The following MCU variants were observed in gnomAD, a reference collection of about 807,000 sequenced individuals.
MCU encodes the protein calcium uniporter protein, mitochondrial.
A neutral mutation model predicts 45.2 loss-of-function variants in MCU; 12 were observed. The observed-to-expected ratio is 0.27, with a 90% confidence interval of 0.17 to 0.43. The LOEUF (loss-of-function observed/expected upper bound fraction) is 0.43. MCU is among the 20% of genes least tolerant of loss of function. The probability of loss-of-function intolerance (pLI) is 1.00; values close to 1 mark genes in which losing one functional copy is unlikely to be tolerated. For synonymous variants in MCU, 160 were observed against 165.1 expected (o/e 0.97, Z 0.24); for missense variants, 324 against 436.7 (o/e 0.74, Z 2.30).
chr10:72,879,615 A>G (rs1450861271), intron 6 of MCU, among the ~76,000 whole-genome samples: 1 of 152,254 alleles, frequency 6.6e-6, no homozygotes, highest in African/African-American at 2.4e-5. Context: ...AAAGATTATC[A>G]CACGTGAAAA....
At chr10:72,820,931 A>C (rs1176364375) in intron 1 of MCU, among the ~76,000 whole-genome samples, 2 of 151,598 alleles carry the variant, frequency 1.3e-5, no homozygotes, top group Non-Finnish European at 2.9e-5. Context: ...TTTTTCCCCA[A>C]GTGGTGACAT....
At chr10:72,718,460 C>G (rs527511288) in intron 1 of MCU, among the ~76,000 whole-genome samples, 3 of 152,106 alleles carry the variant, frequency 2.0e-5, no homozygotes, top group Non-Finnish European at 4.4e-5. Flanking sequence ...AACTATCCTA[C>G]GTCAATAAGT....
At chr10:72,722,587 A>G (rs542323510) in intron 1 of MCU, among the ~76,000 whole-genome samples, 2 of 151,550 alleles carry the variant, frequency 1.3e-5, no homozygotes, top group Non-Finnish European at 2.9e-5. Flanking sequence ...AGTTGAAAAC[A>G]TGATAGCTAT....
At chr10:72,823,725 T>C (rs902832990) in intron 1 of MCU, among the ~76,000 whole-genome samples, 3 of 152,092 alleles carry the variant, frequency 2.0e-5, no homozygotes, top group Non-Finnish European at 2.9e-5. Context: ...ATAGAGGCTA[T>C]CAAAATTGGT....
intron 2 of MCU, among the ~76,000 whole-genome samples, chr10:72,853,630 A>G (rs142015911): frequency 1.0e-3 from 155 of 152,330 alleles, no homozygotes; most frequent in Middle Eastern, 6.8e-3. Context: ...AGCCAGATCT[A>G]AAAAATCTAA....
intron 1 of MCU, among the ~76,000 whole-genome samples, chr10:72,790,324 A>G (rs1411379798): frequency 6.6e-6 from 1 of 152,160 alleles, no homozygotes; most frequent in Non-Finnish European, 1.5e-5. Context: ...AAGAGAAATA[A>G]TTCTCAGGTA....
intron 1 of MCU, among the ~76,000 whole-genome samples, chr10:72,754,123 A>C (rs554888467): frequency 4.6e-5 from 7 of 152,154 alleles, no homozygotes; most frequent in Non-Finnish European, 8.8e-5. Context: ...CCAATGAGGA[A>C]GCCAAACTTC....
chr10:72,819,496 A>G (rs1844677648), intron 1 of MCU, among the ~76,000 whole-genome samples: 1 of 152,240 alleles, frequency 6.6e-6, no homozygotes, highest in Admixed American at 6.5e-5. Context: ...TATTAAATAT[A>G]AAGCAAGGGG....
chr10:72,772,232 T>C (rs1041462414), intron 1 of MCU, among the ~76,000 whole-genome samples: 6 of 152,214 alleles, frequency 3.9e-5, no homozygotes, highest in Non-Finnish European at 5.9e-5. Flanking sequence ...GTAGGAGGTA[T>C]GTTCCATAAG....
chr10:72,708,779 G>A (rs58674529), intron 1 of MCU, among the ~76,000 whole-genome samples: 8,044 of 152,128 alleles, frequency 0.053, 718 homozygotes, highest in African/African-American at 0.18. Context: ...AAACAGTTTC[G>A]ATTGTGCTGA....
Position 72,854,676 on chromosome 10 carries a change from G to C in MCU, c.221-4501G>C, listed in dbSNP as rs750058277. Among the ~76,000 whole-genome samples, 3 of 152,210 alleles carry C rather than the reference G, an allele frequency of 2.0e-5. No individual in the cohort carries two copies. In the South Asian group the frequency reaches 6.2e-4, roughly 32 times the overall value. The stretch of plus-strand genomic sequence containing the variant: ...GGCACCAGGGACCAGTTTTGTGTAA[G>C]ACACTTTTTCGATGGTACCAGTCTG... On this transcript the variant is annotated intron_variant, in intron 2 of 7. Coordinates refer to ENST00000373053, the MANE Select transcript of MCU (RefSeq NM_138357.3).
At chr10:72,730,632 T>C (rs1394691971) in intron 1 of MCU, 1 of 152,140 alleles carries the variant, frequency 6.6e-6, no homozygotes, top group Non-Finnish European at 1.5e-5. Context: ...ACCCTGTAGA[T>C]GTTTTGCTAA....
intron 1 of MCU, among the ~76,000 whole-genome samples, chr10:72,794,298 TC>T (rs772983751): frequency 2.8e-4 from 42 of 152,174 alleles, no homozygotes; most frequent in Admixed American, 5.2e-4. Flanking sequence ...CTACAGACCC[TC>T]CCATTCAAAT....
intron 1 of MCU, among the ~76,000 whole-genome samples, chr10:72,832,616 A>G (rs1377806065): frequency 6.6e-6 from 1 of 152,242 alleles, no homozygotes; most frequent in South Asian, 2.1e-4. Context: ...GGAAAAAATC[A>G]AAATCCTTTT....
Position 72,859,268 on chromosome 10 carries a change from C to T in MCU, c.312C>T (p.Ile104=). 6.2e-7 allele frequency: 1 copy of T among 1,613,816 alleles called. No homozygotes were observed. Residue 104 remains isoleucine, a synonymous_variant, in exon 3 of 8, where the codon ATC becomes ATT. Transcript: ENST00000373053. ...RERCQFTLKP[I]SDSVGVFLRQ... Reference sequence around the variant, plus strand: ...GCTGTCAGTTCACACTCAAGCCTATCTCTGACTCTGTTGGTGTATTTTTAC... The same window carrying T: ...GCTGTCAGTTCACACTCAAGCCTATTTCTGACTCTGTTGGTGTATTTTTAC...
At chr10:72,752,403 G>GT (rs1176553904) in intron 1 of MCU, among the ~76,000 whole-genome samples, 1 of 152,122 alleles carries the variant, frequency 6.6e-6, no homozygotes. Flanking sequence ...CCCTCCAAAT[G>GT]TTTTTTTGAA....
chr10:72,748,963 C>G (rs1364308101), intron 1 of MCU, among the ~76,000 whole-genome samples: 1 of 152,190 alleles, frequency 6.6e-6, no homozygotes, highest in African/African-American at 2.4e-5. Context: ...TATCAAATAG[C>G]TGTAAAACTT....
intron 2 of MCU, among the ~76,000 whole-genome samples, chr10:72,851,172 CT>C (rs2132857170): frequency 6.6e-6 from 1 of 152,268 alleles, no homozygotes; most frequent in East Asian, 1.9e-4. Flanking sequence ...CAAAAGCTTT[CT>C]TATTTCATTC....
At chr10:72,818,578 G>A (rs919627596) in intron 1 of MCU, among the ~76,000 whole-genome samples, 3 of 152,136 alleles carry the variant, frequency 2.0e-5, no homozygotes, top group South Asian at 2.1e-4. Flanking sequence ...GGTGGTTCAC[G>A]CCTATAATCC....
Sources: gnomAD v4.1 joint callset for allele counts (sites outside exome capture counted in the v4.1 genomes callset) on GRCh38, gnomAD v4.1.1 for gene constraint, MANE v1.5 for transcripts, NCBI Gene and HGNC (gene_info 2026-07-23, HGNC 2026-07-21) for gene names.